The following XXYLT1 variants were observed in gnomAD, a reference collection of about 807,000 sequenced individuals.
The protein encoded by XXYLT1 is xyloside xylosyltransferase 1.
In XXYLT1, 20 loss-of-function variants were observed where a neutral mutation model predicts 28.9. That is an observed-to-expected ratio of 0.69 (90% CI 0.49 to 1.00). The LOEUF is 1.00. Ranked by LOEUF, XXYLT1 falls within the 50% of genes least tolerant of loss-of-function variation. XXYLT1 has a pLI of 0.00. For synonymous variants in XXYLT1, 257 were observed against 253.8 expected (o/e 1.01, Z -0.12); for missense variants, 542 against 560.1 (o/e 0.97, Z 0.33).
intron 2 of XXYLT1, among the ~76,000 whole-genome samples, chr3:195,222,974 A>G (rs1164334253): frequency 6.6e-6 from 1 of 152,172 alleles, no homozygotes; most frequent in Non-Finnish European, 1.5e-5. Flanking sequence ...CTGTAATCCT[A>G]GCACTTTGGG....
chr3:195,177,799 TA>T (rs1289547274), intron 2 of XXYLT1, among the ~76,000 whole-genome samples: 1 of 152,012 alleles, frequency 6.6e-6, no homozygotes, highest in East Asian at 1.9e-4. Flanking sequence ...AAAAATTAGC[TA>T]GGCATGCGCC....
intron 2 of XXYLT1, among the ~76,000 whole-genome samples, chr3:195,212,606 A>C (rs1259569543): frequency 6.6e-6 from 1 of 152,202 alleles, no homozygotes; most frequent in Non-Finnish European, 1.5e-5. Flanking sequence ...TCAGATCAGC[A>C]GCATCAGATT....
intron 2 of XXYLT1, among the ~76,000 whole-genome samples, chr3:195,220,157 AGAGTCTC>A: frequency 6.6e-6 from 1 of 152,134 alleles, no homozygotes; most frequent in South Asian, 2.1e-4. Flanking sequence ...TGTTTGAGAC[AGAGTCTC>A]ACTCTATTAC....
At chr3:195,265,322 G>T (rs367712570) in intron 1 of XXYLT1, among the ~76,000 whole-genome samples, 1 of 150,492 alleles carries the variant, frequency 6.6e-6, no homozygotes, top group Non-Finnish European at 1.5e-5. Context: ...AGCCAAGATC[G>T]CACCCTTGCA....
intron 2 of XXYLT1, chr3:195,184,632 AC>A (rs1722097890): frequency 2.0e-6 from 2 of 985,298 alleles, no homozygotes; most frequent in Admixed American, 6.1e-5. Context: ...AGGTCTACTT[AC>A]CCAGAAACAA....
At chr3:195,239,618 C>A (rs1413213531) in intron 1 of XXYLT1, among the ~76,000 whole-genome samples, 2 of 152,198 alleles carry the variant, frequency 1.3e-5, no homozygotes, top group Non-Finnish European at 2.9e-5. Flanking sequence ...AATTTGTTTA[C>A]ATACACATAC....
At chr3:195,113,317 C>T (rs2108705915) in intron 3 of XXYLT1, among the ~76,000 whole-genome samples, 1 of 152,292 alleles carries the variant, frequency 6.6e-6, no homozygotes, top group African/African-American at 2.4e-5. Flanking sequence ...TTCGACAAGC[C>T]AGGGAGTTGG....
intron 3 of XXYLT1, among the ~76,000 whole-genome samples, chr3:195,072,284 T>C (rs1305354505): frequency 6.6e-6 from 1 of 151,976 alleles, no homozygotes; most frequent in Non-Finnish European, 1.5e-5. Flanking sequence ...TACTGTGGGG[T>C]TGAGTGAGGA....
At chr3:195,232,050 T>G (rs1338803799) in intron 1 of XXYLT1, among the ~76,000 whole-genome samples, 1 of 152,150 alleles carries the variant, frequency 6.6e-6, no homozygotes, top group Non-Finnish European at 1.5e-5. Flanking sequence ...TATTATGGCT[T>G]TGATCTAATT....
intron 3 of XXYLT1, among the ~76,000 whole-genome samples, chr3:195,079,190 C>T (rs1001334190): frequency 6.6e-6 from 1 of 152,130 alleles, no homozygotes; most frequent in African/African-American, 2.4e-5. Flanking sequence ...TTGGAAGTGC[C>T]GCAAGAGGTG....
At chr3:195,121,920 C>A in intron 3 of XXYLT1, 1 of 651,146 alleles carries the variant, frequency 1.5e-6, no homozygotes, top group South Asian at 1.7e-5. Flanking sequence ...GAAAGCCCAG[C>A]CTGGACCCTA....
rs1029734030 is a variant in XXYLT1 at position 195,168,464 on chromosome 3, G to A, written c.653-11883C>T. ...TTCCTAGCCTCAAAATGCAAATACT[G>A]GAGGTTTTTTCACTAAATATCCTCT... On this transcript the variant is annotated intron_variant, in intron 2 of 3. Transcript: ENST00000310380. This position sits in a 1 kb window ranked among gnomAD's most constrained non-coding sequence, Gnocchi z 4.3. Among the ~76,000 whole-genome samples, 1 of 152,286 alleles carries A rather than the reference G, an allele frequency of 6.6e-6. No homozygotes were observed. Among genetic ancestry groups the A allele is most frequent in the East Asian group, 1.9e-4 (1 of 5,182 alleles).
At chr3:195,110,867 G>GGTGTATGTGTGTA (rs1449377815) in intron 3 of XXYLT1, among the ~76,000 whole-genome samples, 16 of 149,258 alleles carry the variant, frequency 1.1e-4, no homozygotes, top group African/African-American at 3.2e-4. Context: ...AAGTGTGTGT[G>GGTGTATGTGTGTA]TGGTGTGTGG....
At chr3:195,214,517 T>C (rs1307596847) in intron 2 of XXYLT1, among the ~76,000 whole-genome samples, 2 of 152,052 alleles carry the variant, frequency 1.3e-5, no homozygotes, top group African/African-American at 4.8e-5. Context: ...GGAACCAGCA[T>C]GCACCGTCAG....
At chr3:195,092,975 G>A (rs369831673) in intron 3 of XXYLT1, among the ~76,000 whole-genome samples, 133 of 104,086 alleles carry the variant, frequency 1.3e-3, no homozygotes, top group Middle Eastern at 9.1e-3. Context: ...CAAAACCACA[G>A]TGAGATACCA....
chr3:195,097,739 C>T (rs1360873614), intron 3 of XXYLT1, among the ~76,000 whole-genome samples: 1 of 152,162 alleles, frequency 6.6e-6, no homozygotes, highest in Non-Finnish European at 1.5e-5. Context: ...CCCTGAGCAC[C>T]TCCGCTGGGA....
intron 3 of XXYLT1, among the ~76,000 whole-genome samples, chr3:195,106,000 G>A (rs6785310): frequency 0.31 from 47,131 of 152,060 alleles, 7,871 homozygotes; most frequent in East Asian, 0.72. Flanking sequence ...CATTTCACCG[G>A]CGCGTAGCAT....
intron 3 of XXYLT1, among the ~76,000 whole-genome samples, chr3:195,084,308 AG>A (rs1715604175): frequency 1.3e-5 from 2 of 152,110 alleles, no homozygotes; most frequent in African/African-American, 2.4e-5. Context: ...GGGATCAGCT[AG>A]GCTGCTCCCT....
chr3:195,222,802 G>C (rs909107406), intron 2 of XXYLT1, among the ~76,000 whole-genome samples: 1 of 152,126 alleles, frequency 6.6e-6, no homozygotes, highest in Non-Finnish European at 1.5e-5. Flanking sequence ...CATGGGGGTT[G>C]AAATGAAGAT....
Sources: allele counts gnomAD v4.1 joint callset (sites outside exome capture counted in the v4.1 genomes callset), GRCh38; gene constraint gnomAD v4.1.1; non-coding constraint Gnocchi (gnomAD v3.1); transcripts MANE v1.5; gene names NCBI Gene and HGNC (gene_info 2026-07-23, HGNC 2026-07-21).